EEF2K: variants seen among roughly 807,000 people sequenced by gnomAD.
The protein encoded by EEF2K is alternative protein EEF2K.
In EEF2K, 70 loss-of-function variants were observed where a neutral mutation model predicts 93.8. The ratio of observed to expected loss-of-function variants is 0.75; its 90% confidence interval spans 0.62 to 0.91. The LOEUF is 0.91. EEF2K is among the 40% of genes least tolerant of loss of function. EEF2K has a pLI of 0.00. For synonymous variants in EEF2K, 376 were observed against 380.8 expected (o/e 0.99, Z 0.15); for missense variants, 935 against 972.9 (o/e 0.96, Z 0.52).
rs865798592 is a variant in EEF2K at position 22,221,400 on chromosome 16, G to A, written c.-76-4254G>A. On this transcript the variant is annotated intron_variant, in intron 1 of 17. Transcript: ENST00000263026. The stretch of plus-strand genomic sequence containing the variant: ...GAGGCGGGAGGATCACCTGAACCCA[G>A]CTGTTGGAGGCTACAGTGAGCTGTG... Among the ~76,000 whole-genome samples, 3 of 152,036 alleles carry A rather than the reference G, an allele frequency of 2.0e-5. No individual in the cohort carries two copies. The South Asian group carries it at 6.2e-4, about 32-fold the overall frequency.
chr16:22,233,498 G>T (rs1433084708), intron 2 of EEF2K, among the ~76,000 whole-genome samples: 3 of 151,012 alleles, frequency 2.0e-5, no homozygotes, highest in Non-Finnish European at 4.4e-5. Flanking sequence ...GGCCAACATG[G>T]TGAAACCCCG....
At chr16:22,215,310 C>T (rs1045406755) in intron 1 of EEF2K, among the ~76,000 whole-genome samples, 2 of 152,140 alleles carry the variant, frequency 1.3e-5, no homozygotes, top group Admixed American at 6.6e-5. Flanking sequence ...GCCTTAGGTT[C>T]CCTGCCTCCA....
chr16:22,210,421 A>G (rs2046904173), intron 1 of EEF2K, among the ~76,000 whole-genome samples: 2 of 152,194 alleles, frequency 1.3e-5, no homozygotes, highest in South Asian at 4.1e-4. Context: ...TGCTGGACCC[A>G]TCCCCAGAGT....
At chr16:22,229,179 G>T (rs1263350852) in intron 2 of EEF2K, among the ~76,000 whole-genome samples, 1 of 151,948 alleles carries the variant, frequency 6.6e-6, no homozygotes, top group African/African-American at 2.4e-5. Flanking sequence ...ACTGTGGAAG[G>T]TTTCCGTCTC....
chr16:22,253,839 C>G (rs900169883), intron 6 of EEF2K, among the ~76,000 whole-genome samples: 3 of 151,986 alleles, frequency 2.0e-5, no homozygotes, highest in Non-Finnish European at 4.4e-5. Context: ...TGGCTCATGC[C>G]TGTAATCCCA....
intron 11 of EEF2K, among the ~76,000 whole-genome samples, chr16:22,261,418 G>C (rs917208363): frequency 1.4e-4 from 22 of 152,048 alleles, no homozygotes; most frequent in African/African-American, 4.6e-4. Context: ...GCTGGGCGCA[G>C]TGGCTCACGC....
At chr16:22,209,491 G>A (rs1464288977) in intron 1 of EEF2K, among the ~76,000 whole-genome samples, 1 of 152,148 alleles carries the variant, frequency 6.6e-6, no homozygotes, top group Non-Finnish European at 1.5e-5. Context: ...CTCGTTCTCC[G>A]GGATTCACTA....
chr16:22,227,015 A>G (rs1298448127), intron 2 of EEF2K, among the ~76,000 whole-genome samples: 2 of 152,092 alleles, frequency 1.3e-5, no homozygotes, highest in Non-Finnish European at 2.9e-5. Context: ...CCTGGCCAAC[A>G]TGGTGAAACT....
At chr16:22,261,509 C>T (rs1271479997) in intron 11 of EEF2K, among the ~76,000 whole-genome samples, 1 of 151,186 alleles carries the variant, frequency 6.6e-6, no homozygotes, top group Non-Finnish European at 1.5e-5. Flanking sequence ...GACCAACATG[C>T]CAAAACCCCA....
chr16:22,216,521 T>C (rs576317720), intron 1 of EEF2K, among the ~76,000 whole-genome samples: 2 of 152,342 alleles, frequency 1.3e-5, no homozygotes, highest in African/African-American at 4.8e-5. Flanking sequence ...CTCTCCCTTC[T>C]CTGAATTCGT....
In EEF2K at chr16:22,283,897, T is replaced by C; in HGVS notation, c.2079T>C (p.Tyr693=). Residue 693 remains tyrosine (Y), a synonymous_variant, in exon 18 of 18, where the codon TAT becomes TAC. Transcript: ENST00000263026. ...TTTGCTGTCTTTCAGGGGACTTGTA[T>C]ACCCAGGCAGCAGAGGCAGCGATGG... ...EKDPQRSGDL[Y]TQAAEAAMEA... 3.1e-6 allele frequency: 5 copies of C among 1,594,702 alleles called. No individual in the cohort carries two copies. Among genetic ancestry groups the C allele is most frequent in the Non-Finnish European group, 4.3e-6 (5 of 1,170,720 alleles).
At chr16:22,249,892 C>T (rs1316449084) in intron 4 of EEF2K, among the ~76,000 whole-genome samples, 3 of 151,906 alleles carry the variant, frequency 2.0e-5, no homozygotes, top group Admixed American at 2.0e-4. Context: ...AGCAATTCTC[C>T]TGCCTCAGCC....
At position 22,263,170 on chromosome 16, in the gene EEF2K, C is replaced by T; in HGVS notation, c.1360C>T (p.Pro454Ser). ...TGAGAAGCGGGGTGAGCTGGATGAC[C>T]CTGAGCCCCGAGAACATGTAAGGAA... Reference protein sequence around the residue: ...PSEKRGELDDPEPREHGHSYS... With the variant: ...PSEKRGELDDSEPREHGHSYS... Residue 454 changes from proline to serine, a missense_variant, in exon 12 of 18, where the codon CCT (proline) becomes TCT (serine). By Grantham distance (74) the Pro-to-Ser change is moderately conservative (BLOSUM62 -1). Coordinates refer to ENST00000263026, the MANE Select transcript of EEF2K (RefSeq NM_013302.5). The T allele has an allele frequency of 1.2e-6, 2 of 1,612,048 alleles. No homozygotes were observed. The highest frequency in any genetic ancestry group is 1.7e-6 in the Non-Finnish European group (2 of 1,179,024).
intron 4 of EEF2K, among the ~76,000 whole-genome samples, chr16:22,250,320 TA>T (rs2047336198): frequency 6.6e-6 from 1 of 152,172 alleles, no homozygotes; most frequent in African/African-American, 2.4e-5. Context: ...GCTGGACACG[TA>T]GGTTATCTCC....
intron 16 of EEF2K, among the ~76,000 whole-genome samples, chr16:22,274,301 T>C (rs1368288101): frequency 6.6e-6 from 1 of 151,764 alleles, no homozygotes; most frequent in Non-Finnish European, 1.5e-5. Flanking sequence ...AAAGAAAAGC[T>C]GGCCTGGTGG....
chr16:22,286,946 G>A lies in EEF2K; in HGVS notation c.*2950G>A, dbSNP rs1312521124. 6.6e-6 allele frequency: 1 copy of A among 152,280 alleles called. No homozygotes were observed. Among genetic ancestry groups the A allele is most frequent in the East Asian group, 1.9e-4 (1 of 5,208 alleles). The allele number at this position is 152,280 out of a possible 1,614,324, so 9.4% of individuals were successfully genotyped here. A position where few individuals can be genotyped will look rare whatever the true frequency, so the allele number is the denominator to read the frequency against. ...TGACCTTAATGTCAGTTGCTGGTCT[G>A]TTGCTCTTCGGGGAGGGAGAGATGG... is the stretch of plus-strand genomic sequence containing the variant. On this transcript the variant is annotated 3_prime_UTR_variant, in exon 18 of 18. Coordinates refer to ENST00000263026, the MANE Select transcript of EEF2K (RefSeq NM_013302.5).
At chr16:22,237,979 C>A (rs545153562) in intron 2 of EEF2K, among the ~76,000 whole-genome samples, 16 of 152,168 alleles carry the variant, frequency 1.1e-4, no homozygotes, top group Non-Finnish European at 1.9e-4. Flanking sequence ...TTTTTTCCCC[C>A]CTAAACAATA....
At chr16:22,258,431 G>C in intron 9 of EEF2K, 63 bp from the exon 10 acceptor site, 1 of 1,561,556 alleles carries the variant, frequency 6.4e-7, no homozygotes, top group East Asian at 2.3e-5. Flanking sequence ...GGAACAACAG[G>C]AAGAGCCCTT....
rs148528298 is a variant in EEF2K, at chr16:22,258,436, G to A, written c.1030-58G>A. 200 of 1,564,974 alleles carry A rather than the reference G, an allele frequency of 1.3e-4. 1 individual carries two copies. In the African/African-American group the frequency reaches 2.2e-3, roughly 17 times the overall value. Reference sequence around the variant, plus strand: ...AGGGTTAGAGGGAACAACAGGAAGAGCCCTTTAATTCCCAGAGGGTGTGTG... The same window carrying A: ...AGGGTTAGAGGGAACAACAGGAAGAACCCTTTAATTCCCAGAGGGTGTGTG... On this transcript the variant is annotated intron_variant, in intron 9 of 17. Coordinates refer to ENST00000263026, the MANE Select transcript of EEF2K (RefSeq NM_013302.5).
Sources: allele counts gnomAD v4.1 joint callset (sites outside exome capture counted in the v4.1 genomes callset), GRCh38; gene constraint gnomAD v4.1.1; transcripts MANE v1.5; gene names NCBI Gene and HGNC (gene_info 2026-07-23, HGNC 2026-07-21).